The following CNTNAP5 variants were observed in gnomAD, a reference collection of about 807,000 sequenced individuals.
CNTNAP5 encodes contactin associated protein family member 5.
In CNTNAP5, 72 loss-of-function variants were observed where a neutral mutation model predicts 150.2. That is an observed-to-expected ratio of 0.48 (90% CI 0.40 to 0.58). The LOEUF (loss-of-function observed/expected upper bound fraction) is 0.58. CNTNAP5 is among the 20% of genes least tolerant of loss of function. The pLI is 0.00. For synonymous variants in CNTNAP5, 672 were observed against 619.8 expected, an observed-to-expected ratio of 1.08 and a Z score of -1.25; for missense variants, 1,636 against 1,626.2, an observed-to-expected ratio of 1.01 and a Z score of -0.10.
intron 14 of CNTNAP5, among the ~76,000 whole-genome samples, chr2:124,759,965 T>TTTA (rs1491336232): frequency 6.8e-5 from 7 of 102,620 alleles, no homozygotes; most frequent in African/African-American, 2.6e-4. Flanking sequence ...TTTTTTTTTT[T>TTTA]AAATCTGGAA....
intron 12 of CNTNAP5, among the ~76,000 whole-genome samples, chr2:124,612,453 C>T (rs890300884): frequency 9.9e-5 from 15 of 152,192 alleles, no homozygotes; most frequent in Admixed American, 9.2e-4. Flanking sequence ...AGGACAAGGA[C>T]TTAGAGAGTC....
chr2:124,152,789 T>G (rs1684436603), intron 1 of CNTNAP5, among the ~76,000 whole-genome samples: 1 of 152,176 alleles, frequency 6.6e-6, no homozygotes, highest in African/African-American at 2.4e-5. Flanking sequence ...CTGAAGGAAA[T>G]AGCCAGTGAT....
intron 12 of CNTNAP5, among the ~76,000 whole-genome samples, chr2:124,638,417 A>T (rs1678017538): frequency 6.6e-6 from 1 of 152,102 alleles, no homozygotes; most frequent in Non-Finnish European, 1.5e-5. Flanking sequence ...TATTCTGCCA[A>T]GGGTATATAG....
chr2:124,081,708 T>C (rs1682560965), intron 1 of CNTNAP5, among the ~76,000 whole-genome samples: 1 of 152,200 alleles, frequency 6.6e-6, no homozygotes, highest in South Asian at 2.1e-4. Context: ...TATCAAAGTT[T>C]TTTACAAGGA....
intron 13 of CNTNAP5, among the ~76,000 whole-genome samples, chr2:124,700,447 A>G (rs1679498105): frequency 6.6e-6 from 1 of 152,140 alleles, no homozygotes; most frequent in Admixed American, 6.6e-5. Context: ...TTTTTTCCAT[A>G]GAAGCTGCAC....
intron 10 of CNTNAP5, among the ~76,000 whole-genome samples, chr2:124,539,437 T>C (rs1695324722): frequency 6.6e-6 from 1 of 152,190 alleles, no homozygotes; most frequent in Admixed American, 6.5e-5. Flanking sequence ...AAATCGATAT[T>C]CACATAAATT....
At chr2:124,880,193 T>A (rs1677938519) in intron 21 of CNTNAP5, among the ~76,000 whole-genome samples, 2 of 152,156 alleles carry the variant, frequency 1.3e-5, no homozygotes, top group African/African-American at 2.4e-5. Flanking sequence ...TATATGCCAT[T>A]TATCCATTTC....
At position 124,916,926 on chromosome 2, in the gene CNTNAP5, G is replaced by T. The variant is rs995120801; in HGVS notation, c.*2638G>T. ...AACTTTCACTAGATATATATGAAATGCAAGTGATCCGTACCCTCCAAAGTA... is the reference window on the plus strand; with the variant it reads ...AACTTTCACTAGATATATATGAAATTCAAGTGATCCGTACCCTCCAAAGTA... On this transcript the variant is annotated 3_prime_UTR_variant, in exon 24 of 24. Transcript: ENST00000682447. Among the ~76,000 whole-genome samples the T allele has an allele frequency of 6.6e-6, 1 of 151,994 alleles. No individual in the cohort carries two copies. The highest frequency in any genetic ancestry group is 1.5e-5 in the Non-Finnish European group (1 of 67,960).
intron 7 of CNTNAP5, 115 bp from the exon 8 acceptor site, chr2:124,504,177 G>A (rs764067600): frequency 2.2e-5 from 23 of 1,045,082 alleles, no homozygotes; most frequent in Non-Finnish European, 2.8e-5. Flanking sequence ...AGATCTTGCC[G>A]CTGAATGTGG....
At chr2:124,148,583 T>G (rs1287780396) in intron 1 of CNTNAP5, among the ~76,000 whole-genome samples, 2 of 147,754 alleles carry the variant, frequency 1.4e-5, no homozygotes, top group African/African-American at 4.9e-5. Flanking sequence ...TGTTAGGGCC[T>G]ATTCAGTACA....
intron 13 of CNTNAP5, among the ~76,000 whole-genome samples, chr2:124,649,555 G>C (rs1478760065): frequency 6.6e-6 from 1 of 152,148 alleles, no homozygotes; most frequent in African/African-American, 2.4e-5. Flanking sequence ...CTACACCATT[G>C]ACTTTGCAAA....
chr2:124,345,554 T>C (rs1689717944), intron 3 of CNTNAP5, among the ~76,000 whole-genome samples: 1 of 152,214 alleles, frequency 6.6e-6, no homozygotes, highest in Admixed American at 6.5e-5. Flanking sequence ...TCAGCTTTCA[T>C]AAATAAAATA....
chr2:124,569,952 G>A (rs1356795237), intron 11 of CNTNAP5, among the ~76,000 whole-genome samples: 1 of 152,114 alleles, frequency 6.6e-6, no homozygotes, highest in Admixed American at 6.5e-5. Context: ...AACCTATTTA[G>A]GTGAGAAAAC....
intron 10 of CNTNAP5, among the ~76,000 whole-genome samples, chr2:124,555,350 A>G (rs912232837): frequency 6.6e-6 from 1 of 152,216 alleles, no homozygotes; most frequent in Non-Finnish European, 1.5e-5. Flanking sequence ...TGAGGCTGTC[A>G]GTGTTGGTGA....
chr2:124,678,035 T>A (rs1316536026), intron 13 of CNTNAP5, among the ~76,000 whole-genome samples: 1 of 151,936 alleles, frequency 6.6e-6, no homozygotes, highest in Admixed American at 6.7e-5. Flanking sequence ...GTCTTAAGTC[T>A]CTGCCTTTTT....
At chr2:124,247,671 A>T (rs1324142185) in intron 3 of CNTNAP5, among the ~76,000 whole-genome samples, 1 of 152,190 alleles carries the variant, frequency 6.6e-6, no homozygotes, top group Non-Finnish European at 1.5e-5. Context: ...TTAAAGGAAG[A>T]TGTATTAAGG....
intron 1 of CNTNAP5, among the ~76,000 whole-genome samples, chr2:124,213,271 G>A (rs934897623): frequency 3.3e-5 from 5 of 152,180 alleles, no homozygotes; most frequent in African/African-American, 1.2e-4. Context: ...GGCTTAATGG[G>A]ACTAGAGCTG....
intron 1 of CNTNAP5, among the ~76,000 whole-genome samples, chr2:124,217,215 G>A (rs1686181304): frequency 6.6e-6 from 1 of 150,572 alleles, no homozygotes; most frequent in Non-Finnish European, 1.5e-5. Flanking sequence ...AAGCCTTTTA[G>A]TCTCTCATTA....
chr2:124,525,498 A>G (rs1431785292), intron 9 of CNTNAP5, among the ~76,000 whole-genome samples: 2 of 152,240 alleles, frequency 1.3e-5, no homozygotes, highest in Non-Finnish European at 2.9e-5. Flanking sequence ...GAAGTATTGT[A>G]TAAAATTATG....
Sources: gnomAD v4.1 joint callset for allele counts (sites outside exome capture counted in the v4.1 genomes callset) on GRCh38, gnomAD v4.1.1 for gene constraint, MANE v1.5 for transcripts, NCBI Gene and HGNC (gene_info 2026-07-23, HGNC 2026-07-21) for gene names.